PHC2: variants seen among roughly 807,000 people sequenced by gnomAD.
PHC2 encodes polyhomeotic homolog 2, also known as polyhomeotic-like protein 2.
A neutral mutation model predicts 87.4 loss-of-function variants in PHC2; 29 were observed. The ratio of observed to expected loss-of-function variants is 0.33; its 90% CI spans 0.25 to 0.45. The LOEUF is 0.45. Ranked by LOEUF, PHC2 falls within the 20% of genes least tolerant of loss-of-function variation. The pLI, the probability that PHC2 is intolerant of heterozygous loss-of-function variation, is 1.00. For missense variants in PHC2, 857 were observed against 1,136.7 expected, an observed-to-expected ratio of 0.75 and a Z score of 3.54; for synonymous variants, 438 against 461.7, an observed-to-expected ratio of 0.95 and a Z score of 0.66.
At position 33,334,607 on chromosome 1, in the gene PHC2, T is replaced by TA. The variant is rs1456979337; in HGVS notation, c.1559-316dup. ...GACGGGAATTCTATCTTTGAGGAGTTAAGACCTTGGTCGATACTGATTTGA... is the reference window on the plus strand; with the variant it reads ...GACGGGAATTCTATCTTTGAGGAGTTAAAGACCTTGGTCGATACTGATTTGA... On this transcript the variant is annotated intron_variant, in intron 9 of 14. Transcript: ENST00000683057. The surrounding 1 kb of genome is among the most constrained non-coding windows in gnomAD (Gnocchi z 5.5). 2.0e-5 allele frequency among the ~76,000 whole-genome samples: 3 copies of TA among 152,252 alleles called. No individual in the cohort carries two copies. The highest frequency in any genetic ancestry group is 7.2e-5 in the African/African-American group (3 of 41,462).
chr1:33,422,367 T>A (rs1332809135), intron 1 of PHC2, among the ~76,000 whole-genome samples: 1 of 152,178 alleles, frequency 6.6e-6, no homozygotes, highest in South Asian at 2.1e-4. Context: ...ATTAAATGTT[T>A]GTTGAATAAA....
At chr1:33,411,333 C>T (rs1275794517) in intron 1 of PHC2, among the ~76,000 whole-genome samples, 2 of 152,052 alleles carry the variant, frequency 1.3e-5, no homozygotes, top group Non-Finnish European at 2.9e-5. Context: ...ATATCATTAA[C>T]ATTTAGTCTT....
intron 7 of PHC2, among the ~76,000 whole-genome samples, chr1:33,357,352 TG>T (rs1647110070): frequency 6.6e-6 from 1 of 152,204 alleles, no homozygotes; most frequent in African/African-American, 2.4e-5. Context: ...TCTGTTCACA[TG>T]CAAGTTTTGA....
At chr1:33,328,595 A>T in intron 14 of PHC2, among the ~76,000 whole-genome samples, 1 of 152,114 alleles carries the variant, frequency 6.6e-6, no homozygotes, top group Non-Finnish European at 1.5e-5. Context: ...GGAGAGAGAG[A>T]CAGTTAATTA....
chr1:33,349,857 C>A lies in PHC2; in HGVS notation c.1558+4544G>T. 1 of 976,464 alleles carries A rather than the reference C, an allele frequency of 1.0e-6. No homozygotes were observed. Among genetic ancestry groups the A allele is most frequent in the Non-Finnish European group, 1.2e-6 (1 of 825,388 alleles). 60.5% of individuals were successfully genotyped at this position (976,464 alleles called of 1,614,324 possible). ...CGGCGGCCGGGGTTGCGCGCGCGCGCGCGGCGGGCGCTCGAGGGCTGCAGC... is the reference window on the plus strand; with the variant it reads ...CGGCGGCCGGGGTTGCGCGCGCGCGAGCGGCGGGCGCTCGAGGGCTGCAGC... On this transcript the variant is annotated intron_variant, in intron 9 of 14. Coordinates refer to ENST00000683057, the MANE Select transcript of PHC2 (RefSeq NM_001385109.1). This position sits in a 1 kb window ranked among gnomAD's most constrained non-coding sequence, Gnocchi z 4.2.
At chr1:33,398,069 A>G (rs891326602) in intron 1 of PHC2, among the ~76,000 whole-genome samples, 10 of 152,194 alleles carry the variant, frequency 6.6e-5, no homozygotes, top group Non-Finnish European at 1.5e-4. Context: ...TGGCTCTGCC[A>G]TTAGATCATC....
Position 33,334,306 on chromosome 1 carries a change from A to C in PHC2, c.1559-14T>G. 1 of 1,610,800 alleles carries C rather than the reference A, an allele frequency of 6.2e-7. No homozygotes were observed. The highest frequency in any genetic ancestry group is 8.5e-7 in the Non-Finnish European group (1 of 1,177,970). On this transcript the variant is annotated splice_polypyrimidine_tract_variant and intron_variant, in intron 9 of 14. Transcript: ENST00000683057. The surrounding 1 kb of genome is among the most constrained non-coding windows in gnomAD (Gnocchi z 5.5). ...CCTGCCCTGTCTCTGCACGAGAGAG[A>C]GTAGGAAAACAAAGCAGGGGAGATC...
At position 33,349,525 on chromosome 1, in the gene PHC2, G is replaced by T. The variant is rs1048841506; in HGVS notation, c.1558+4876C>A. The T allele has an allele frequency of 2.9e-5, 28 of 982,146 alleles. No individual in the cohort carries two copies. The African/African-American group carries it at 4.7e-4, about 17-fold the overall frequency. The allele number at this position is 982,146 out of a possible 1,614,324, so 60.8% of individuals were successfully genotyped here. ...GTTAGGGGCACCGAGGGCGGTGCCC[G>T]ACTTCCAGTGCGGCGAGCGCGGCCC... is the stretch of plus-strand genomic sequence containing the variant. On this transcript the variant is annotated intron_variant, in intron 9 of 14. Transcript: ENST00000683057. This position sits in a 1 kb window ranked among gnomAD's most constrained non-coding sequence, Gnocchi z 4.2.
intron 2 of PHC2, 124 bp downstream of exon 2, chr1:33,375,242 C>T: frequency 5.3e-6 from 4 of 757,336 alleles, no homozygotes; most frequent in Non-Finnish European, 8.1e-6. Context: ...TCTACGAACT[C>T]ACTCCCATAT....
intron 1 of PHC2, among the ~76,000 whole-genome samples, chr1:33,424,252 A>G (rs916530409): frequency 3.9e-5 from 6 of 152,340 alleles, no homozygotes; most frequent in African/African-American, 1.4e-4. Context: ...CGGGTGCCTT[A>G]TAATAGTCAT....
rs893971909 is a variant in PHC2 at position 33,332,609 on chromosome 1, G to A, written c.1762-205C>T. 2.8e-5 allele frequency: 16 copies of A among 578,534 alleles called. No individual in the cohort carries two copies. Among genetic ancestry groups the A allele is most frequent in the African/African-American group, 2.6e-4 (14 of 53,382 alleles). The allele number at this position is 578,534 out of a possible 1,614,324, so 35.8% of individuals were successfully genotyped here. On this transcript the variant is annotated intron_variant, in intron 10 of 14. Coordinates refer to ENST00000683057, the MANE Select transcript of PHC2 (RefSeq NM_001385109.1). This position sits in a 1 kb window ranked among gnomAD's most constrained non-coding sequence, Gnocchi z 4.2. The stretch of plus-strand genomic sequence containing the variant: ...ACGAGGTAAGATGCTAATGGGCAAA[G>A]TACAGGGATGGCTTCTGTCCAGGAC...
At chr1:33,392,186 CACAT>C (rs958955148) in intron 1 of PHC2, among the ~76,000 whole-genome samples, 1 of 151,844 alleles carries the variant, frequency 6.6e-6, no homozygotes, top group African/African-American at 2.4e-5. Flanking sequence ...CACACACACA[CACAT>C]GCACATGCAC....
intron 1 of PHC2, among the ~76,000 whole-genome samples, chr1:33,402,610 T>C (rs1026922017): frequency 6.6e-6 from 1 of 152,160 alleles, no homozygotes; most frequent in Admixed American, 6.5e-5. Flanking sequence ...TGGAATGCTA[T>C]ACAACAGTGA....
chr1:33,356,958 A>G (rs1283200344), intron 7 of PHC2, among the ~76,000 whole-genome samples: 1 of 152,124 alleles, frequency 6.6e-6, no homozygotes, highest in Non-Finnish European at 1.5e-5. Flanking sequence ...GAAAATTCTT[A>G]TATTTTTTAG....
At chr1:33,329,993 G>T in intron 13 of PHC2, 78 bp downstream of exon 13, 1 of 1,514,356 alleles carries the variant, frequency 6.6e-7, no homozygotes, top group South Asian at 1.2e-5. Context: ...AGCTGGAGGG[G>T]ACCGTGGTGT....
chr1:33,343,143 A>G (rs1646777023), intron 9 of PHC2, among the ~76,000 whole-genome samples: 1 of 152,162 alleles, frequency 6.6e-6, no homozygotes, highest in African/African-American at 2.4e-5. Context: ...GCTGTGCTAC[A>G]TGGCAGTTAA....
chr1:33,414,855 T>C (rs1650138895), intron 1 of PHC2, among the ~76,000 whole-genome samples: 1 of 152,224 alleles, frequency 6.6e-6, no homozygotes, highest in Admixed American at 6.5e-5. Flanking sequence ...CTACTAGTAG[T>C]CAATATGTAA....
rs578000185 is a variant in PHC2 at position 33,403,540 on chromosome 1, T to C, written c.-55+27436A>G. On this transcript the variant is annotated intron_variant, in intron 1 of 14. Transcript: ENST00000683057. ...AAGTTCTGTTTCCTAAGTTGGGTTA[T>C]GGATAAATGTTGTTCACTTTATTTT... Among the ~76,000 whole-genome samples the C allele has an allele frequency of 8.5e-5, 13 of 152,336 alleles. No individual in the cohort carries two copies. In the South Asian group the frequency reaches 2.7e-3, roughly 32 times the overall value.
intron 1 of PHC2, among the ~76,000 whole-genome samples, chr1:33,422,528 C>T (rs1650470969): frequency 6.6e-6 from 1 of 152,198 alleles, no homozygotes; most frequent in South Asian, 2.1e-4. Flanking sequence ...TCCAACTGAG[C>T]TTTGTTATCA....
Sources: gnomAD v4.1 joint callset for allele counts (sites outside exome capture counted in the v4.1 genomes callset) on GRCh38, gnomAD v4.1.1 for gene constraint, Gnocchi (gnomAD v3.1) non-coding constraint, MANE v1.5 for transcripts, NCBI Gene and HGNC (gene_info 2026-07-23, HGNC 2026-07-21) for gene names.